The following PTPN12 variants were observed in gnomAD, a reference collection of about 807,000 sequenced individuals.
The protein encoded by PTPN12 is tyrosine-protein phosphatase non-receptor type 12.
PTPN12 carries 29 observed loss-of-function variants against 97.6 expected under a neutral mutation model. The observed-to-expected ratio is 0.30, with a 90% confidence interval of 0.22 to 0.41. The LOEUF (loss-of-function observed/expected upper bound fraction) is 0.41. PTPN12 is among the 10% of genes least tolerant of loss of function. PTPN12 has a pLI of 1.00. For synonymous variants in PTPN12, 327 were observed against 300.4 expected (o/e 1.09, Z -0.91); for missense variants, 819 against 926.0 (o/e 0.88, Z 1.50).
In PTPN12 at chr7:77,627,363, A is replaced by C. The variant is rs763215507; in HGVS notation, c.1684A>C (p.Thr562Pro). ...EGNSSDINYQ[T>P]RKTVSLTPSP... Reference sequence around the variant, plus strand: ...CAATTCCTCAGATATCAACTATCAAACTAGGAAAACTGTGAGTTTAACACC... The same window carrying C: ...CAATTCCTCAGATATCAACTATCAACCTAGGAAAACTGTGAGTTTAACACC... Residue 562 changes from threonine (T) to proline (P), a missense_variant, in exon 13 of 18, where the codon ACT becomes CCT. Physicochemically the swap from Thr to Pro is conservative, Grantham distance 38. Transcript: ENST00000248594. The C allele has an allele frequency of 1.9e-6, 3 of 1,614,110 alleles. No individual in the cohort carries two copies. In the South Asian group the frequency reaches 3.3e-5, roughly 18 times the overall value.
chr7:77,566,981 C>T (rs1450137953), intron 1 of PTPN12, among the ~76,000 whole-genome samples: 2 of 151,726 alleles, frequency 1.3e-5, no homozygotes, highest in South Asian at 2.1e-4. Flanking sequence ...TATTCTCATA[C>T]AGTCTATGAA....
Position 77,592,109 on chromosome 7 carries a change from CAGGACACAAAATATTTAT to C in PTPN12, c.421-74_421-57del, listed in dbSNP as rs2151346113. 5.4e-6 allele frequency: 7 copies of C among 1,292,982 alleles called. No individual in the cohort carries two copies. In the South Asian group the frequency reaches 8.9e-5, roughly 16 times the overall value. The allele number at this position is 1,292,982 out of a possible 1,614,324, so 80.1% of individuals were successfully genotyped here. ...GGGGAAGTAGAAGTAAGCAGAACCT[CAGGACACAAAATATTTAT>C]AACAGTTTAAGAAAAACTTACATGA... On this transcript the variant is annotated intron_variant, in intron 5 of 17. Transcript: ENST00000248594.
chr7:77,564,747 T>G (rs1402574565), intron 1 of PTPN12, among the ~76,000 whole-genome samples: 5 of 42,136 alleles, frequency 1.2e-4, no homozygotes, highest in African/African-American at 6.3e-4. Flanking sequence ...TGTTGTCGTG[T>G]TTTTTTTTTT....
rs1031423949 is a variant in PTPN12 at position 77,639,969 on chromosome 7, C to T, written c.*689C>T. 2.0e-5 allele frequency: 3 copies of T among 151,948 alleles called. No homozygotes were observed. The highest frequency in any genetic ancestry group is 4.4e-5 in the Non-Finnish European group (3 of 67,894). The allele number at this position is 151,948 out of a possible 1,614,324, so 9.4% of individuals were successfully genotyped here. The stretch of plus-strand genomic sequence containing the variant: ...GAATTCTCTTAGCTTGTGTGTGTTT[C>T]TTTAATATTTGAACTCAAGTGGGAT... On this transcript the variant is annotated 3_prime_UTR_variant, in exon 18 of 18. Coordinates refer to ENST00000248594, the MANE Select transcript of PTPN12 (RefSeq NM_002835.4).
At chr7:77,619,644 T>G (rs1428094384) in intron 12 of PTPN12, among the ~76,000 whole-genome samples, 3 of 152,230 alleles carry the variant, frequency 2.0e-5, no homozygotes, top group African/African-American at 7.2e-5. Context: ...GAATGAACTT[T>G]GACAAGCCAC....
At chr7:77,582,275 G>A (rs947843926) in intron 3 of PTPN12, among the ~76,000 whole-genome samples, 4 of 151,496 alleles carry the variant, frequency 2.6e-5, no homozygotes, top group African/African-American at 4.8e-5. Context: ...GATTATAGGC[G>A]TGAGCCACTG....
chr7:77,605,099 G>T (rs1788317692), intron 8 of PTPN12, among the ~76,000 whole-genome samples: 1 of 151,998 alleles, frequency 6.6e-6, no homozygotes, highest in Non-Finnish European at 1.5e-5. Flanking sequence ...TTGATGCACA[G>T]AATTCACAAA....
At chr7:77,586,983 A>G (rs1787711815) in intron 5 of PTPN12, among the ~76,000 whole-genome samples, 1 of 152,150 alleles carries the variant, frequency 6.6e-6, no homozygotes, top group Non-Finnish European at 1.5e-5. Context: ...TGTTGTTTCC[A>G]CCACATTTGC....
intron 15 of PTPN12, among the ~76,000 whole-genome samples, chr7:77,636,451 G>A (rs937723027): frequency 3.3e-5 from 5 of 151,826 alleles, no homozygotes; most frequent in African/African-American, 1.2e-4. Context: ...GCGTGGTGGC[G>A]CATGTCTATG....
chr7:77,595,171 T>C (rs1039421944), intron 6 of PTPN12, among the ~76,000 whole-genome samples: 2 of 152,356 alleles, frequency 1.3e-5, no homozygotes, highest in African/African-American at 2.4e-5. Flanking sequence ...AGCGTCAGGA[T>C]TGATCCATGC....
At chr7:77,569,893 TA>T (rs2151317244) in intron 1 of PTPN12, among the ~76,000 whole-genome samples, 1 of 152,328 alleles carries the variant, frequency 6.6e-6, no homozygotes, top group East Asian at 1.9e-4. Context: ...CTTGCATTGT[TA>T]AGCAGGCTGG....
At chr7:77,630,679 G>A (rs1385888868) in intron 13 of PTPN12, among the ~76,000 whole-genome samples, 1 of 152,072 alleles carries the variant, frequency 6.6e-6, no homozygotes, top group Non-Finnish European at 1.5e-5. Flanking sequence ...CTTTTGTATT[G>A]ATACCTAAAA....
At chr7:77,562,594 A>G (rs922700312) in intron 1 of PTPN12, among the ~76,000 whole-genome samples, 25 of 152,210 alleles carry the variant, frequency 1.6e-4, no homozygotes, top group Admixed American at 3.9e-4. Flanking sequence ...GGGACAAAGT[A>G]TTTGAAATTG....
chr7:77,581,573 C>T, intron 3 of PTPN12, 70 bp downstream of exon 3: 4 of 902,366 alleles, frequency 4.4e-6, no homozygotes, highest in Non-Finnish European at 6.6e-6. Flanking sequence ...TTTGTAAAAA[C>T]TTTTTGAATT....
intron 16 of PTPN12, among the ~76,000 whole-genome samples, chr7:77,637,265 C>T (rs1789627327): frequency 1.3e-5 from 2 of 152,070 alleles, no homozygotes; most frequent in Non-Finnish European, 2.9e-5. Context: ...GGAGCATTTA[C>T]TATCAATAAT....
intron 6 of PTPN12, among the ~76,000 whole-genome samples, chr7:77,595,381 C>A (rs149323547): frequency 5.3e-5 from 8 of 152,248 alleles, no homozygotes; most frequent in African/African-American, 1.9e-4. Context: ...AAATGACTGT[C>A]TTTTCTAGAG....
chr7:77,587,360 T>C (rs1377288745), intron 5 of PTPN12, among the ~76,000 whole-genome samples: 2 of 151,024 alleles, frequency 1.3e-5, no homozygotes, highest in Non-Finnish European at 3.0e-5. Flanking sequence ...CCAGGTGCGT[T>C]GTAAACGGAA....
At chr7:77,570,753 A>G (rs1056373272) in intron 1 of PTPN12, among the ~76,000 whole-genome samples, 2 of 152,210 alleles carry the variant, frequency 1.3e-5, no homozygotes, top group Non-Finnish European at 2.9e-5. Context: ...GGTTATTGTG[A>G]CCCTTAGTTA....
In PTPN12 at chr7:77,627,659, T is replaced by G; in HGVS notation, c.1980T>G (p.His660Gln). 3.8e-6 allele frequency: 6 copies of G among 1,575,528 alleles called. No homozygotes were observed. Among genetic ancestry groups the G allele is most frequent in the Non-Finnish European group, 5.2e-6 (6 of 1,162,766 alleles). Residue 660 changes from histidine to glutamine, a missense_variant, in exon 13 of 18, where the codon CAT (histidine) becomes CAG (glutamine). His to Gln is a conservative substitution (Grantham distance 24). Coordinates refer to ENST00000248594, the MANE Select transcript of PTPN12 (RefSeq NM_002835.4). ...IARHNIAGTT[H>Q]SGAEKDVDVS... ...GACATAATATAGCAGGAACAACACATTCAGGTGCTGAAAAAGGTAATAATA... is the reference window on the plus strand; with the variant it reads ...GACATAATATAGCAGGAACAACACAGTCAGGTGCTGAAAAAGGTAATAATA...
Sources: gnomAD v4.1 joint callset for allele counts (sites outside exome capture counted in the v4.1 genomes callset) on GRCh38, gnomAD v4.1.1 for gene constraint, MANE v1.5 for transcripts, NCBI Gene and HGNC (gene_info 2026-07-23, HGNC 2026-07-21) for gene names.